The following DNAH11 variants were observed in gnomAD, a reference collection of about 807,000 sequenced individuals.
DNAH11 encodes axonemal beta dynein heavy chain 11.
In DNAH11, 442 loss-of-function variants were observed where a neutral mutation model predicts 526.0. The ratio of observed to expected loss-of-function variants is 0.84; its 90% CI spans 0.78 to 0.91. The LOEUF is 0.91. DNAH11 is among the 40% of genes least tolerant of loss of function. The pLI, the probability that DNAH11 is intolerant of heterozygous loss-of-function variation, is 0.00. For missense variants in DNAH11, 6,989 were observed against 5,448.7 expected (o/e 1.28, Z -8.90); for synonymous variants, 2,461 against 1,935.9 (o/e 1.27, Z -7.12).
intron 8 of DNAH11, among the ~76,000 whole-genome samples, chr7:21,573,353 T>C (rs1181696236): frequency 6.6e-6 from 1 of 152,182 alleles, no homozygotes; most frequent in Non-Finnish European, 1.5e-5. Context: ...GTTGGAGACA[T>C]CATAACCTTC....
chr7:21,649,406 A>G (rs903957161), intron 28 of DNAH11, among the ~76,000 whole-genome samples: 1 of 152,170 alleles, frequency 6.6e-6, no homozygotes, highest in African/African-American at 2.4e-5. Context: ...TAACAGTGGG[A>G]TGGCTAAATA....
At chr7:21,776,102 CA>C (rs1424861690) in intron 56 of DNAH11, among the ~76,000 whole-genome samples, 1 of 152,102 alleles carries the variant, frequency 6.6e-6, no homozygotes, top group Admixed American at 6.6e-5. Flanking sequence ...ATTGATGAGT[CA>C]GGGGGATGGG....
rs552540193 is a variant in DNAH11 at position 21,781,011 on chromosome 7, T to C, written c.9483+1907T>C. ...GAAGGAACTATTGTAAATTGGATAT[T>C]CATGGAAGAAAGTTCTTTTGTAATT... On this transcript the variant is annotated intron_variant, in intron 57 of 81. Transcript: ENST00000409508. Among the ~76,000 whole-genome samples the C allele has an allele frequency of 1.0e-3, 157 of 152,306 alleles. 1 individual carries two copies. Among genetic ancestry groups the C allele is most frequent in the Non-Finnish European group, 1.6e-3 (106 of 68,016 alleles).
Position 21,710,657 on chromosome 7 carries a change from AC to A in DNAH11, c.6792del (p.Met2265CysfsTer6). 1 of 1,613,232 alleles carries A rather than the reference AC, an allele frequency of 6.2e-7. No homozygotes were observed. The highest frequency in any genetic ancestry group is 8.5e-7 in the Non-Finnish European group (1 of 1,179,598). ...PKWIVLDGDI[D>X]PMWIESLNTV... ...TGGATAGTCCTGGATGGCGATATTG[AC>A]CCCATGTGGATTGAATCACTGAATA... On this transcript the variant is annotated frameshift_variant, in exon 41 of 82. Transcript: ENST00000409508. LOFTEE classifies it high-confidence loss of function.
chr7:21,805,735 C>T (rs541760136), intron 62 of DNAH11, among the ~76,000 whole-genome samples: 1 of 152,102 alleles, frequency 6.6e-6, no homozygotes. Flanking sequence ...ACTTTACTTA[C>T]TCATGATGAT....
At chr7:21,563,124 T>G (rs970498921) in intron 5 of DNAH11, among the ~76,000 whole-genome samples, 2 of 152,182 alleles carry the variant, frequency 1.3e-5, no homozygotes, top group African/African-American at 4.8e-5. Context: ...AGAGAAAACT[T>G]TGGATTCAAT....
intron 25 of DNAH11, among the ~76,000 whole-genome samples, chr7:21,627,461 G>A (rs1274998751): frequency 6.6e-6 from 1 of 152,122 alleles, no homozygotes; most frequent in Non-Finnish European, 1.5e-5. Context: ...TGTTTACATT[G>A]AGGGATAGAA....
At chr7:21,642,520 A>G (rs1325217674) in intron 28 of DNAH11, among the ~76,000 whole-genome samples, 2 of 152,148 alleles carry the variant, frequency 1.3e-5, no homozygotes, top group Non-Finnish European at 2.9e-5. Context: ...TCAAACCACC[A>G]GACTTAGTCT....
chr7:21,658,240 G>A (rs1051100287), intron 29 of DNAH11, among the ~76,000 whole-genome samples: 1 of 152,060 alleles, frequency 6.6e-6, no homozygotes, highest in Non-Finnish European at 1.5e-5. Context: ...TCTGACAAGT[G>A]TGAAGATTAG....
intron 45 of DNAH11, among the ~76,000 whole-genome samples, chr7:21,733,491 A>G (rs1785474565): frequency 6.6e-6 from 1 of 152,250 alleles, no homozygotes; most frequent in African/African-American, 2.4e-5. Context: ...TCTGCCTAGA[A>G]TTCAGCTACC....
chr7:21,656,127 C>A, intron 29 of DNAH11, 146 bp downstream of exon 29: 1 of 900,960 alleles, frequency 1.1e-6, no homozygotes, highest in African/African-American at 1.7e-5. Context: ...TTATCTGTAT[C>A]CACTGTGACA....
Position 21,591,697 on chromosome 7 carries a change from GTAT to G in DNAH11, c.2667+126_2667+128del, listed in dbSNP as rs1440370645. The G allele has an allele frequency of 5.9e-6, 6 of 1,017,280 alleles. No individual in the cohort carries two copies. In the African/African-American group the frequency reaches 9.7e-5, roughly 16 times the overall value. 63.0% of individuals were successfully genotyped at this position (1,017,280 alleles called of 1,614,324 possible). Reference sequence around the variant, plus strand: ...CAAGCCTGAAAGAGCTTTATGAATGGTATTATTAGGCATTTAAAGTGGAGGAAT... The same window carrying G: ...CAAGCCTGAAAGAGCTTTATGAATGGTATTAGGCATTTAAAGTGGAGGAAT... On this transcript the variant is annotated intron_variant, in intron 14 of 81. Transcript: ENST00000409508.
At chr7:21,793,360 A>G (rs1378045435) in intron 61 of DNAH11, among the ~76,000 whole-genome samples, 5 of 152,016 alleles carry the variant, frequency 3.3e-5, no homozygotes, top group African/African-American at 7.3e-5. Flanking sequence ...GCTCACGCCT[A>G]TAATCCCAGC....
At chr7:21,659,052 T>C in intron 30 of DNAH11, 21 bp downstream of exon 30, 2 of 1,532,178 alleles carry the variant, frequency 1.3e-6, no homozygotes, top group Non-Finnish European at 1.8e-6. Context: ...GATTTGTGAT[T>C]TTGAGACATA....
At chr7:21,861,536 T>C (rs1432234756) in intron 68 of DNAH11, among the ~76,000 whole-genome samples, 2 of 152,230 alleles carry the variant, frequency 1.3e-5, no homozygotes, top group African/African-American at 2.4e-5. Flanking sequence ...ATGGTAACTT[T>C]TATGTTATGT....
rs1785434700 is a variant in DNAH11 at position 21,609,546 on chromosome 7, A to G, written c.3852+2813A>G. 2.7e-5 allele frequency among the ~76,000 whole-genome samples: 4 copies of G among 150,020 alleles called. No individual in the cohort carries two copies. The South Asian group carries it at 6.4e-4, about 24-fold the overall frequency. ...TAACTGGGTATATATTTCTAGGAAT[A>G]ATGGAATTAGTGTAAGTGATAGGAA... On this transcript the variant is annotated intron_variant, in intron 20 of 81. Coordinates refer to ENST00000409508, the MANE Select transcript of DNAH11 (RefSeq NM_001277115.2).
intron 65 of DNAH11, among the ~76,000 whole-genome samples, chr7:21,834,211 A>G (rs1781900179): frequency 6.6e-6 from 1 of 152,214 alleles, no homozygotes; most frequent in Non-Finnish European, 1.5e-5. Flanking sequence ...AAACTTTGGA[A>G]ACTATACAAA....
At chr7:21,705,961 C>T (rs556035587) in intron 39 of DNAH11, among the ~76,000 whole-genome samples, 5 of 152,300 alleles carry the variant, frequency 3.3e-5, no homozygotes, top group South Asian at 4.1e-4. Context: ...GCTCTAGCCA[C>T]ATTTATCAAA....
Position 21,739,573 on chromosome 7 carries a change from A to G in DNAH11, c.7814A>G (p.Tyr2605Cys), listed in dbSNP as rs1318120001. The change falls in exon 48 of 82, where the codon TAT becomes TGT. Residue 2605 changes from tyrosine to cysteine, a missense_variant and splice_region_variant. Physicochemically the swap from Tyr to Cys is radical, Grantham distance 194. Transcript: ENST00000409508. The stretch of plus-strand genomic sequence containing the variant: ...AGGTTCTGTTTTCTGTCTTTCAGGT[A>G]TGATAGACAGAAGGTGATGCTTAAA... The part of the protein sequence containing the change: ...IRQHIDYGHW[Y>C]DRQKVMLKEI... 1.2e-6 allele frequency: 2 copies of G among 1,610,006 alleles called. No homozygotes were observed. The highest frequency in any genetic ancestry group is 1.7e-5 in the Admixed American group (1 of 59,592).
Sources: allele counts gnomAD v4.1 joint callset (sites outside exome capture counted in the v4.1 genomes callset), GRCh38; gene constraint gnomAD v4.1.1; transcripts MANE v1.5; gene names NCBI Gene and HGNC (gene_info 2026-07-23, HGNC 2026-07-21).